The following PARP11 variants were observed in gnomAD, a reference collection of about 807,000 sequenced individuals.
PARP11 encodes poly(ADP-ribose) polymerase family member 11.
PARP11 carries 31 observed loss-of-function variants against 42.9 expected under a neutral mutation model. The ratio of observed to expected loss-of-function variants is 0.72; its 90% CI spans 0.54 to 0.98. PARP11 has a LOEUF of 0.98. Among genes scored for constraint, PARP11 ranks in the 50% least tolerant of loss-of-function variants. PARP11 has a pLI of 0.00. For missense variants in PARP11, 365 were observed against 413.1 expected, an observed-to-expected ratio of 0.88 and a Z score of 1.01; for synonymous variants, 137 against 127.3, an observed-to-expected ratio of 1.08 and a Z score of -0.51.
intron 1 of PARP11, among the ~76,000 whole-genome samples, chr12:3,844,859 T>A (rs1947967932): frequency 6.6e-6 from 1 of 152,244 alleles, no homozygotes. Context: ...AGTTTGTTTT[T>A]AAATGTATTA....
At chr12:3,866,101 C>A (rs549614959) in intron 1 of PARP11, among the ~76,000 whole-genome samples, 11 of 151,938 alleles carry the variant, frequency 7.2e-5, no homozygotes, top group Non-Finnish European at 1.3e-4. Flanking sequence ...TACCCATCAT[C>A]ACTTAAAAAC....
intron 1 of PARP11, chr12:3,841,044 T>C: frequency 6.3e-7 from 1 of 1,587,078 alleles, no homozygotes; most frequent in Non-Finnish European, 8.7e-7. Context: ...CTTTGACCCC[T>C]GGACCTGATT....
At chr12:3,820,713 G>T (rs1947374416) in intron 6 of PARP11, among the ~76,000 whole-genome samples, 1 of 152,088 alleles carries the variant, frequency 6.6e-6, no homozygotes. Flanking sequence ...GTCAAAGGAG[G>T]CAGAGGCTTC....
intron 1 of PARP11, chr12:3,841,971 C>T (rs1010121729): frequency 6.8e-6 from 11 of 1,610,064 alleles, no homozygotes; most frequent in African/African-American, 4.0e-5. Context: ...GTAAGCCAGA[C>T]GAAGGCCGGA....
In PARP11 at chr12:3,814,270, C is replaced by A. The variant is rs1297616444; in HGVS notation, c.549-82G>T. ...TTTATTAATCTTAATGAGCAAGGTT[C>A]AATAGAAAGCGTAAAACAGGAAATA... On this transcript the variant is annotated intron_variant, in intron 6 of 7. Transcript: ENST00000228820. 2.7e-6 allele frequency: 3 copies of A among 1,110,644 alleles called. No homozygotes were observed. The Admixed American group carries it at 9.3e-5, about 35-fold the overall frequency. 68.8% of individuals were successfully genotyped at this position (1,110,644 alleles called of 1,614,324 possible).
At chr12:3,838,274 A>G (rs977756595) in intron 1 of PARP11, among the ~76,000 whole-genome samples, 20 of 151,984 alleles carry the variant, frequency 1.3e-4, no homozygotes, top group African/African-American at 4.8e-4. Context: ...ACCACAATGA[A>G]ACTAGAAACC....
At chr12:3,855,217 T>C (rs533089991) in intron 1 of PARP11, among the ~76,000 whole-genome samples, 1 of 152,168 alleles carries the variant, frequency 6.6e-6, no homozygotes, top group Non-Finnish European at 1.5e-5. Context: ...CTTTGAAAAC[T>C]GGCACAACAC....
intron 1 of PARP11, among the ~76,000 whole-genome samples, chr12:3,865,200 G>C (rs923964685): frequency 1.3e-5 from 2 of 152,010 alleles, no homozygotes; most frequent in African/African-American, 4.8e-5. Context: ...ATTCCATTTA[G>C]GTCAGAAAGT....
At chr12:3,830,367 C>A (rs961842895) in intron 1 of PARP11, among the ~76,000 whole-genome samples, 2 of 151,988 alleles carry the variant, frequency 1.3e-5, no homozygotes, top group African/African-American at 4.8e-5. Flanking sequence ...TCAAAAGGAC[C>A]CATGCTATCA....
intron 1 of PARP11, among the ~76,000 whole-genome samples, chr12:3,833,973 G>C (rs549012741): frequency 2.0e-5 from 3 of 151,222 alleles, no homozygotes; most frequent in East Asian, 2.0e-4. Context: ...AGGTGACACA[G>C]AGGACCCGTC....
At chr12:3,813,200 G>A (rs1025495809) in intron 7 of PARP11, among the ~76,000 whole-genome samples, 15 of 152,152 alleles carry the variant, frequency 9.9e-5, no homozygotes, top group Non-Finnish European at 1.6e-4. Flanking sequence ...GCTCTAGAGA[G>A]CACAGTGGAA....
chr12:3,856,663 A>C (rs1591534686), intron 1 of PARP11, among the ~76,000 whole-genome samples: 2 of 152,220 alleles, frequency 1.3e-5, no homozygotes, highest in East Asian at 3.9e-4. Context: ...ACACTTTTAC[A>C]CTATTGGTGG....
intron 1 of PARP11, among the ~76,000 whole-genome samples, chr12:3,872,233 C>T (rs1171569133): frequency 6.6e-6 from 1 of 152,098 alleles, no homozygotes; most frequent in African/African-American, 2.4e-5. Flanking sequence ...ATCCTTTGTC[C>T]AGTCACATTT....
Position 3,812,010 on chromosome 12 carries a change from T to C in PARP11, c.*113A>G, listed in dbSNP as rs1054648541. 3.7e-6 allele frequency: 3 copies of C among 815,424 alleles called. No homozygotes were observed. Among genetic ancestry groups the C allele is most frequent in the East Asian group, 2.6e-5 (1 of 37,760 alleles). The allele number at this position is 815,424 out of a possible 1,614,324, so 50.5% of individuals were successfully genotyped here. A position where few individuals can be genotyped will look rare whatever the true frequency, so the allele number is the denominator to read the frequency against. Reference sequence around the variant, plus strand: ...TTTATATGGAGGCCACTTTTTTTCATATCTGTTTCAAAAGTATCAGATAAT... The same window carrying C: ...TTTATATGGAGGCCACTTTTTTTCACATCTGTTTCAAAAGTATCAGATAAT... On this transcript the variant is annotated 3_prime_UTR_variant, in exon 8 of 8. Coordinates refer to ENST00000228820, the MANE Select transcript of PARP11 (RefSeq NM_020367.6).
At chr12:3,864,917 T>C (rs1332534871) in intron 1 of PARP11, among the ~76,000 whole-genome samples, 1 of 152,200 alleles carries the variant, frequency 6.6e-6, no homozygotes, top group Non-Finnish European at 1.5e-5. Flanking sequence ...AACCTTTATT[T>C]CCTTGCTCCT....
chr12:3,870,648 C>T (rs764779903), intron 1 of PARP11, among the ~76,000 whole-genome samples: 20 of 152,138 alleles, frequency 1.3e-4, no homozygotes, highest in Non-Finnish European at 2.4e-4. Context: ...TTATTGAGTG[C>T]CTACTATGTG....
Position 3,836,908 on chromosome 12 carries a change from AAAGTGAGATT to A in PARP11, c.19-6900_19-6891del, listed in dbSNP as rs543675324. Among the ~76,000 whole-genome samples, 20 of 152,318 alleles carry A rather than the reference AAAGTGAGATT, an allele frequency of 1.3e-4. No individual in the cohort carries two copies. The South Asian group carries it at 4.1e-3, about 32-fold the overall frequency. ...CTGATTCATGATTTCTACACTGGAA[AAAGTGAGATT>A]AAGGTGGCCAACCAGCTTTCCCACC... On this transcript the variant is annotated intron_variant, in intron 1 of 7. Coordinates refer to ENST00000228820, the MANE Select transcript of PARP11 (RefSeq NM_020367.6).
chr12:3,834,169 G>A (rs1947706792), intron 1 of PARP11, among the ~76,000 whole-genome samples: 1 of 152,150 alleles, frequency 6.6e-6, no homozygotes, highest in East Asian at 1.9e-4. Flanking sequence ...TCTAAGAATG[G>A]AGTGTTACTC....
intron 1 of PARP11, chr12:3,872,490 C>T: frequency 2.0e-6 from 2 of 983,910 alleles, no homozygotes; most frequent in Non-Finnish European, 2.4e-6. Flanking sequence ...GACAAAGACA[C>T]ATGAAGTCAT....
Sources: allele counts gnomAD v4.1 joint callset (sites outside exome capture counted in the v4.1 genomes callset), GRCh38; gene constraint gnomAD v4.1.1; transcripts MANE v1.5; gene names NCBI Gene and HGNC (gene_info 2026-07-23, HGNC 2026-07-21).